The following CMSS1 variants were observed in gnomAD, a reference collection of about 807,000 sequenced individuals.
CMSS1 encodes cms1 ribosomal small subunit homolog, also known as protein CMSS1.
A neutral mutation model predicts 43.5 loss-of-function variants in CMSS1; 33 were observed. The ratio of observed to expected loss-of-function variants is 0.76; its 90% CI spans 0.57 to 1.01. The LOEUF is 1.01. Ranked by LOEUF, CMSS1 falls within the 50% of genes least tolerant of loss-of-function variation. The probability of loss-of-function intolerance (pLI) is 0.00; values close to 1 mark genes in which losing one functional copy is unlikely to be tolerated. For missense variants in CMSS1, 313 were observed against 326.4 expected, an observed-to-expected ratio of 0.96 and a Z score of 0.32; for synonymous variants, 115 against 117.2, an observed-to-expected ratio of 0.98 and a Z score of 0.12.
At chr3:100,129,433 A>C (rs571167320) in intron 1 of CMSS1, among the ~76,000 whole-genome samples, 132 of 152,304 alleles carry the variant, frequency 8.7e-4, no homozygotes, top group African/African-American at 3.1e-3. Flanking sequence ...AGCAATAATG[A>C]TTTTATGATT....
intron 4 of CMSS1, 26 bp from the exon 5 acceptor site, chr3:100,166,309 A>G (rs781493186): frequency 1.3e-6 from 2 of 1,507,276 alleles, no homozygotes; most frequent in East Asian, 2.3e-5. Context: ...AAAATTATCT[A>G]CAAAGCATGT....
At chr3:100,076,238 T>C (rs575718406) in intron 1 of CMSS1, among the ~76,000 whole-genome samples, 1 of 152,252 alleles carries the variant, frequency 6.6e-6, no homozygotes, top group Admixed American at 6.5e-5. Context: ...TCTGTTTCAT[T>C]CCTTTAATCT....
At chr3:100,064,384 AC>A (rs1021526802) in intron 1 of CMSS1, among the ~76,000 whole-genome samples, 2 of 138,684 alleles carry the variant, frequency 1.4e-5, no homozygotes, top group African/African-American at 2.7e-5. Flanking sequence ...GCTAATCCTG[AC>A]CCCCCCAACA....
At chr3:100,169,726 C>T (rs952331154) in intron 6 of CMSS1, among the ~76,000 whole-genome samples, 1 of 152,134 alleles carries the variant, frequency 6.6e-6, no homozygotes, top group African/African-American at 2.4e-5. Flanking sequence ...TTGAAGATTC[C>T]AACTGCTTCC....
rs563457119 is a variant in CMSS1 at position 99,875,947 on chromosome 3, C to A, written c.64+57904C>A. 3.2e-3 allele frequency: 1,848 copies of A among 586,388 alleles called. 5 individuals are homozygous for A. The highest frequency in any genetic ancestry group is 3.7e-3 in the Non-Finnish European group (1,730 of 464,858). The allele number at this position is 586,388 out of a possible 1,614,324, so 36.3% of individuals were successfully genotyped here. A position where few individuals can be genotyped will look rare whatever the true frequency, so the allele number is the denominator to read the frequency against. On this transcript the variant is annotated intron_variant, in intron 1 of 9. Coordinates refer to ENST00000421999, the MANE Select transcript of CMSS1 (RefSeq NM_032359.4). ...TTTTGAACCTAGAATTCATTGGATG[C>A]GCTTTGCGAAACCTGTCTGCAGTTT...
Position 100,101,338 on chromosome 3 carries a change from A to G in CMSS1, c.65-45635A>G, listed in dbSNP as rs1215152464. Among the ~76,000 whole-genome samples the G allele has an allele frequency of 2.0e-5, 3 of 152,324 alleles. No individual in the cohort carries two copies. The South Asian group carries it at 6.2e-4, about 32-fold the overall frequency. The stretch of plus-strand genomic sequence containing the variant: ...ACTTCGTTGACTGAGGACACAGACC[A>G]GGACCAGAGACTTTTGTGGGAAGAA... On this transcript the variant is annotated intron_variant, in intron 1 of 9. Coordinates refer to ENST00000421999, the MANE Select transcript of CMSS1 (RefSeq NM_032359.4).
intron 1 of CMSS1, among the ~76,000 whole-genome samples, chr3:99,828,950 C>T (rs1329040776): frequency 6.6e-6 from 1 of 151,984 alleles, no homozygotes; most frequent in Non-Finnish European, 1.5e-5. Flanking sequence ...TCATCCCTCT[C>T]AATGCTGCCC....
At chr3:100,064,727 C>A (rs1005058108) in intron 1 of CMSS1, among the ~76,000 whole-genome samples, 2 of 152,190 alleles carry the variant, frequency 1.3e-5, no homozygotes, top group African/African-American at 4.8e-5. Context: ...GTTGGCAAAT[C>A]ATACTCATCT....
chr3:100,013,346 C>T (rs1157417275), intron 1 of CMSS1, among the ~76,000 whole-genome samples: 8 of 151,974 alleles, frequency 5.3e-5, no homozygotes, highest in African/African-American at 1.7e-4. Flanking sequence ...CAGGTTCAAG[C>T]GATTCTCCTG....
At chr3:100,172,294 C>A in intron 7 of CMSS1, 22 bp from the exon 8 acceptor site, 1 of 1,606,716 alleles carries the variant, frequency 6.2e-7, no homozygotes, top group Non-Finnish European at 8.5e-7. Context: ...CCTTTTCTTT[C>A]TTCTCTTTCA....
intron 1 of CMSS1, among the ~76,000 whole-genome samples, chr3:99,982,437 C>T (rs185272532): frequency 8.2e-4 from 124 of 152,122 alleles, no homozygotes; most frequent in Non-Finnish European, 1.6e-3. Flanking sequence ...GCCTCCTGGG[C>T]TCAAGTGATC....
At chr3:99,980,226 G>T (rs1709082387) in intron 1 of CMSS1, among the ~76,000 whole-genome samples, 1 of 152,104 alleles carries the variant, frequency 6.6e-6, no homozygotes, top group African/African-American at 2.4e-5. Flanking sequence ...CTAGGAGCTG[G>T]TGCCAAATTG....
At position 99,928,027 on chromosome 3, in the gene CMSS1, A is replaced by T. The variant is rs140658238; in HGVS notation, c.64+109984A>T. ...AGATTTTTTAGGTTTTTCAAAAAGA[A>T]CATTATGAAGAAAATAAAAGGGAGA... On this transcript the variant is annotated intron_variant, in intron 1 of 9. Transcript: ENST00000421999. Among the ~76,000 whole-genome samples, 696 of 152,374 alleles carry T rather than the reference A, an allele frequency of 4.6e-3. 2 individuals are homozygous for T. The highest frequency in any genetic ancestry group is 7.0e-3 in the South Asian group (34 of 4,830).
Position 100,172,203 on chromosome 3 carries a change from T to G in CMSS1, c.580-113T>G, listed in dbSNP as rs141717694. On this transcript the variant is annotated intron_variant, in intron 7 of 9. Transcript: ENST00000421999. ...CCTGGAAGTCGACCCTACACAAGGGTAGCTCCATTTGTATTTCACTTTCTT... is the reference window on the plus strand; with the variant it reads ...CCTGGAAGTCGACCCTACACAAGGGGAGCTCCATTTGTATTTCACTTTCTT... 371 of 915,404 alleles carry G rather than the reference T, an allele frequency of 4.1e-4. 1 individual carries two copies. In the African/African-American group the frequency reaches 5.5e-3, roughly 13 times the overall value. The allele number at this position is 915,404 out of a possible 1,614,324, so 56.7% of individuals were successfully genotyped here. A position where few individuals can be genotyped will look rare whatever the true frequency, so the allele number is the denominator to read the frequency against.
At chr3:100,048,006 G>T (rs2065305443) in intron 1 of CMSS1, among the ~76,000 whole-genome samples, 1 of 152,100 alleles carries the variant, frequency 6.6e-6, no homozygotes, top group Non-Finnish European at 1.5e-5. Flanking sequence ...GAAACACTGG[G>T]CCATAGCTTG....
At chr3:100,125,294 G>A (rs1341216141) in intron 1 of CMSS1, among the ~76,000 whole-genome samples, 2 of 152,146 alleles carry the variant, frequency 1.3e-5, no homozygotes, top group Non-Finnish European at 2.9e-5. Flanking sequence ...TGTGATCTCA[G>A]GTGCTTCGTT....
At chr3:100,021,424 C>G (rs2064815087) in intron 1 of CMSS1, among the ~76,000 whole-genome samples, 1 of 152,118 alleles carries the variant, frequency 6.6e-6, no homozygotes, top group African/African-American at 2.4e-5. Flanking sequence ...CAGCATTAAG[C>G]AAGACACTTT....
At chr3:100,019,246 G>A (rs748037099) in intron 1 of CMSS1, among the ~76,000 whole-genome samples, 1 of 152,158 alleles carries the variant, frequency 6.6e-6, no homozygotes, top group African/African-American at 2.4e-5. Context: ...TCTAGTTTCA[G>A]CTACTCGGGA....
intron 1 of CMSS1, among the ~76,000 whole-genome samples, chr3:100,068,676 G>C (rs575494187): frequency 6.6e-6 from 1 of 152,056 alleles, no homozygotes; most frequent in African/African-American, 2.4e-5. Flanking sequence ...TACCCAGGCT[G>C]GAGTGCAGTT....
Sources: allele counts gnomAD v4.1 joint callset (sites outside exome capture counted in the v4.1 genomes callset), GRCh38; gene constraint gnomAD v4.1.1; transcripts MANE v1.5; gene names NCBI Gene and HGNC (gene_info 2026-07-23, HGNC 2026-07-21).